Variants in TESK2 observed in about 807,000 individuals in gnomAD.
TESK2 encodes the protein dual specificity testis-specific protein kinase 2.
Under a neutral mutation model 57.1 loss-of-function variants are expected in TESK2, and 39 were observed. That is an observed-to-expected ratio of 0.68 (90% CI 0.53 to 0.89). TESK2 has a LOEUF of 0.89. Among genes scored for constraint, TESK2 ranks in the 40% least tolerant of loss-of-function variants. The probability of loss-of-function intolerance (pLI) is 0.00; values close to 1 mark genes in which losing one functional copy is unlikely to be tolerated. For synonymous variants in TESK2, 249 were observed against 267.9 expected (o/e 0.93, Z 0.69); for missense variants, 646 against 732.1 (o/e 0.88, Z 1.36).
intron 2 of TESK2, among the ~76,000 whole-genome samples, chr1:45,444,741 A>G (rs1315970673): frequency 6.6e-6 from 1 of 152,100 alleles, no homozygotes; most frequent in Non-Finnish European, 1.5e-5. Flanking sequence ...AACATCGCTG[A>G]CTCCATCTTG....
rs926323955 is a variant in TESK2 at position 45,394,148 on chromosome 1, CT to C, written c.345-8189del. ...AGATTCATGTTGAGAAGGAGGGTTG[CT>C]TTTTTTTTTGAGACAAGGTCTTGCT... On this transcript the variant is annotated intron_variant, in intron 3 of 10. Coordinates refer to ENST00000372086, the MANE Select transcript of TESK2 (RefSeq NM_007170.3). Among the ~76,000 whole-genome samples the C allele has an allele frequency of 1.7e-3, 246 of 145,838 alleles. 1 individual carries two copies. Among genetic ancestry groups the C allele is most frequent in the African/African-American group, 5.3e-3 (211 of 39,900 alleles).
At chr1:45,434,318 C>T (rs372630065) in intron 2 of TESK2, among the ~76,000 whole-genome samples, 3 of 150,708 alleles carry the variant, frequency 2.0e-5, no homozygotes, top group East Asian at 4.0e-4. Flanking sequence ...TTGTCTAAGA[C>T]AGGGTCCTGC....
intron 2 of TESK2, among the ~76,000 whole-genome samples, chr1:45,452,860 TG>T (rs1221138353): frequency 6.6e-6 from 1 of 152,084 alleles, no homozygotes; most frequent in Non-Finnish European, 1.5e-5. Flanking sequence ...AAGATCAGCC[TG>T]GGCAACAGAG....
intron 1 of TESK2, among the ~76,000 whole-genome samples, chr1:45,482,795 C>T (rs1011161004): frequency 2.6e-5 from 4 of 151,834 alleles, no homozygotes; most frequent in Admixed American, 6.6e-5. Flanking sequence ...GCCTGGCTAA[C>T]ATGGTGAAAC....
intron 1 of TESK2, among the ~76,000 whole-genome samples, chr1:45,481,641 C>A (rs1653228869): frequency 6.6e-6 from 1 of 151,632 alleles, no homozygotes; most frequent in South Asian, 2.1e-4. Flanking sequence ...TTTTTTTCAA[C>A]AAATATATTT....
chr1:45,381,159 T>C (rs947075892), intron 4 of TESK2, among the ~76,000 whole-genome samples: 2 of 152,178 alleles, frequency 1.3e-5, no homozygotes, highest in South Asian at 4.1e-4. Flanking sequence ...AAATAACTAA[T>C]AGTTGTTATG....
chr1:45,354,498 C>T (rs1050905163), intron 5 of TESK2, among the ~76,000 whole-genome samples: 1 of 151,736 alleles, frequency 6.6e-6, no homozygotes, highest in African/African-American at 2.4e-5. Flanking sequence ...TGATGGCAGG[C>T]GTCTGTAATC....
intron 2 of TESK2, among the ~76,000 whole-genome samples, chr1:45,449,894 C>T (rs960070108): frequency 2.0e-5 from 3 of 152,072 alleles, no homozygotes; most frequent in Non-Finnish European, 4.4e-5. Context: ...TACTCTCCCC[C>T]CAGTGGGTTG....
At chr1:45,384,211 G>A (rs1648768142) in intron 4 of TESK2, among the ~76,000 whole-genome samples, 2 of 152,104 alleles carry the variant, frequency 1.3e-5, no homozygotes, top group Non-Finnish European at 2.9e-5. Flanking sequence ...TTACAGGCCA[G>A]CACGTTCTTC....
At chr1:45,403,897 AAAC>A (rs1251679218) in intron 3 of TESK2, among the ~76,000 whole-genome samples, 4 of 151,776 alleles carry the variant, frequency 2.6e-5, no homozygotes, top group Admixed American at 1.3e-4. Context: ...AAAAAAAAAA[AAAC>A]AAGTCTCCTG....
intron 1 of TESK2, among the ~76,000 whole-genome samples, chr1:45,483,565 C>T (rs1236704937): frequency 6.6e-6 from 1 of 150,664 alleles, no homozygotes; most frequent in Non-Finnish European, 1.5e-5. Flanking sequence ...GCACTACAGC[C>T]TGGGCAACAA....
chr1:45,430,355 G>C (rs1445526487), intron 2 of TESK2, among the ~76,000 whole-genome samples: 1 of 152,076 alleles, frequency 6.6e-6, no homozygotes, highest in Non-Finnish European at 1.5e-5. Flanking sequence ...GCTGGTTGTG[G>C]TGGTGTGCAC....
chr1:45,469,192 T>C (rs1381030086), intron 1 of TESK2, among the ~76,000 whole-genome samples: 8 of 152,166 alleles, frequency 5.3e-5, no homozygotes. Flanking sequence ...GTGAACTAAA[T>C]AGCCTATCTT....
rs1364829669 is a variant in TESK2 at position 45,345,377 on chromosome 1, A to G, written c.1179T>C (p.Ala393=). The change falls in exon 11 of 11, where the codon GCT becomes GCC. Residue 393 remains alanine, a synonymous_variant. Coordinates refer to ENST00000372086, the MANE Select transcript of TESK2 (RefSeq NM_007170.3). ...AAGGGTTGACTTTGGGGGTGCGGGC[A>G]GCACCATCTCGTGGCCGGTAGTATG... The part of the protein sequence containing the change: ...LDPYYRPRDG[A]ARTPKVNPFS... The G allele has an allele frequency of 6.2e-7, 1 of 1,614,134 alleles. No individual in the cohort carries two copies.
At chr1:45,408,145 G>C (rs772806751) in intron 3 of TESK2, among the ~76,000 whole-genome samples, 1 of 152,014 alleles carries the variant, frequency 6.6e-6, no homozygotes, top group Non-Finnish European at 1.5e-5. Flanking sequence ...GTTTTGAAGG[G>C]ACACATCCTC....
At chr1:45,360,200 T>G (rs1647622403) in intron 4 of TESK2, among the ~76,000 whole-genome samples, 1 of 152,184 alleles carries the variant, frequency 6.6e-6, no homozygotes. Flanking sequence ...GATTCACATT[T>G]GAGGTGCCCA....
At chr1:45,445,751 C>T (rs1271264730) in intron 2 of TESK2, among the ~76,000 whole-genome samples, 1 of 151,808 alleles carries the variant, frequency 6.6e-6, no homozygotes, top group East Asian at 1.9e-4. Flanking sequence ...GCCATGATCA[C>T]ATCACCACAC....
intron 2 of TESK2, among the ~76,000 whole-genome samples, chr1:45,440,579 G>A (rs940443353): frequency 3.4e-4 from 51 of 152,068 alleles, no homozygotes; most frequent in African/African-American, 1.0e-3. Context: ...AGCTGGGCAT[G>A]GTGGTGTGTG....
At chr1:45,459,998 A>C (rs1216202497) in intron 1 of TESK2, among the ~76,000 whole-genome samples, 1 of 152,204 alleles carries the variant, frequency 6.6e-6, no homozygotes, top group African/African-American at 2.4e-5. Flanking sequence ...ACTTATAACT[A>C]GGAGCTAAAT....
Sources: allele counts gnomAD v4.1 joint callset (sites outside exome capture counted in the v4.1 genomes callset), GRCh38; gene constraint gnomAD v4.1.1; transcripts MANE v1.5; gene names NCBI Gene and HGNC (gene_info 2026-07-23, HGNC 2026-07-21).